Variants in MARCHF8 observed in about 807,000 individuals in gnomAD.
The protein encoded by MARCHF8 is E3 ubiquitin-protein ligase MARCHF8.
In MARCHF8, 40 loss-of-function variants were observed where a neutral mutation model predicts 51.6. The observed-to-expected ratio is 0.77, with a 90% CI of 0.60 to 1.01. The LOEUF (loss-of-function observed/expected upper bound fraction) is 1.01, where lower values mean the gene tolerates loss of function less well. Ranked by LOEUF, MARCHF8 falls within the 50% of genes least tolerant of loss-of-function variation. MARCHF8 has a pLI of 0.00. For synonymous variants in MARCHF8, 263 were observed against 280.3 expected (o/e 0.94, Z 0.62); for missense variants, 685 against 708.6 (o/e 0.97, Z 0.38).
intron 2 of MARCHF8, among the ~76,000 whole-genome samples, chr10:45,521,643 G>A (rs1310033553): frequency 2.6e-5 from 4 of 152,156 alleles, no homozygotes; most frequent in Admixed American, 2.0e-4. Context: ...GAATACCTAG[G>A]AAGTGTGAGA....
intron 1 of MARCHF8, among the ~76,000 whole-genome samples, chr10:45,555,047 C>T (rs953711211): frequency 6.6e-6 from 1 of 150,574 alleles, no homozygotes; most frequent in Admixed American, 6.6e-5. Flanking sequence ...GAGTGAGACT[C>T]TGTCTCCAAA....
intron 2 of MARCHF8, among the ~76,000 whole-genome samples, chr10:45,501,161 G>A (rs887031810): frequency 6.6e-6 from 1 of 151,148 alleles, no homozygotes; most frequent in African/African-American, 2.4e-5. Context: ...TTTAGATATA[G>A]ACAGGTTATT....
rs1278608644 is a variant in MARCHF8, at chr10:45,463,368, T to C, written c.871A>G (p.Lys291Glu). The C allele has an allele frequency of 6.4e-7, 1 of 1,550,740 alleles. No individual in the cohort carries two copies. Among genetic ancestry groups the C allele is most frequent in the South Asian group, 1.2e-5 (1 of 84,066 alleles). Residue 291 changes from lysine to glutamate, a missense_variant, in exon 5 of 8, where the codon AAG becomes GAG. Physicochemically the swap from Lys to Glu is moderately conservative, Grantham distance 56. Coordinates refer to ENST00000453424, the MANE Select transcript of MARCHF8 (RefSeq NM_001282866.2). ...CTCCCTGCCAGCCCGCTGGAGGACT[T>C]GGCAGTGTGCAGGCGAGCAGCGCAG... Reference protein sequence around the residue: ...ESCAARLHTAKSSSGLAGSMG... With the variant: ...ESCAARLHTAESSSGLAGSMG...
intron 2 of MARCHF8, among the ~76,000 whole-genome samples, chr10:45,509,979 T>C (rs2043465358): frequency 1.4e-5 from 2 of 145,412 alleles, no homozygotes; most frequent in South Asian, 2.1e-4. Flanking sequence ...ACAACGCCTG[T>C]AATCTGGGGA....
chr10:45,508,050 T>C (rs1416989151), intron 2 of MARCHF8, among the ~76,000 whole-genome samples: 1 of 152,176 alleles, frequency 6.6e-6, no homozygotes, highest in African/African-American at 2.4e-5. Context: ...GATTAAATAT[T>C]TCTCACTTAT....
rs141261057 is a variant in MARCHF8 at position 45,579,184 on chromosome 10, CA to C, written c.-79+15050del. ...ATACAACTTAAACTCAAATGAATCA[CA>C]AAAAATACATTCACATATATGCATA... On this transcript the variant is annotated intron_variant, in intron 1 of 6. Transcript: ENST00000319836. Among the ~76,000 whole-genome samples, 576 of 151,804 alleles carry C rather than the reference CA, an allele frequency of 3.8e-3. 12 individuals are homozygous for C. In the East Asian group the frequency reaches 0.053, roughly 14 times the overall value.
At chr10:45,502,602 CT>C (rs1342210197) in intron 2 of MARCHF8, among the ~76,000 whole-genome samples, 2 of 152,174 alleles carry the variant, frequency 1.3e-5, no homozygotes, top group East Asian at 1.9e-4. Flanking sequence ...CTGTGTCTTG[CT>C]CATCAGGAAA....
intron 2 of MARCHF8, among the ~76,000 whole-genome samples, chr10:45,524,266 T>C (rs1269196308): frequency 1.3e-5 from 2 of 152,202 alleles, no homozygotes; most frequent in East Asian, 3.8e-4. Flanking sequence ...AAAGAAGTCA[T>C]CTTTGGTTCT....
chr10:45,580,003 CAAAAAAAAA>C (rs34446338), intron 1 of MARCHF8, among the ~76,000 whole-genome samples: 8 of 36,466 alleles, frequency 2.2e-4, no homozygotes, highest in East Asian at 9.2e-4. Flanking sequence ...ACTCCGTCTC[CAAAAAAAAA>C]AAAAAAAAAA....
chr10:45,573,691 G>C (rs57973254), intron 1 of MARCHF8, among the ~76,000 whole-genome samples: 1 of 152,134 alleles, frequency 6.6e-6, no homozygotes, highest in Non-Finnish European at 1.5e-5. Context: ...GATGCTGCCC[G>C]ATCACCACAG....
intron 1 of MARCHF8, among the ~76,000 whole-genome samples, chr10:45,593,896 T>C (rs1228894216): frequency 1.3e-5 from 2 of 152,194 alleles, no homozygotes. Flanking sequence ...CACAAAACAT[T>C]TCCTCAACTC....
At chr10:45,509,588 C>T (rs1407231695) in intron 2 of MARCHF8, among the ~76,000 whole-genome samples, 2 of 152,166 alleles carry the variant, frequency 1.3e-5, no homozygotes, top group Non-Finnish European at 2.9e-5. Flanking sequence ...GAAAATGATG[C>T]TCATTCAATC....
intron 3 of MARCHF8, among the ~76,000 whole-genome samples, chr10:45,471,778 A>G (rs1285055353): frequency 6.6e-6 from 1 of 152,176 alleles, no homozygotes; most frequent in East Asian, 1.9e-4. Context: ...TGCTACTAGG[A>G]TCAAATAAAG....
intron 1 of MARCHF8, among the ~76,000 whole-genome samples, chr10:45,589,562 T>C (rs75535174): frequency 0.05 from 7,649 of 152,192 alleles, 263 homozygotes; most frequent in Non-Finnish European, 0.077. Context: ...CAAACCCCCA[T>C]TTTTCCCCAC....
At chr10:45,460,898 C>T (rs1842763404) in intron 6 of MARCHF8, among the ~76,000 whole-genome samples, 1 of 152,164 alleles carries the variant, frequency 6.6e-6, no homozygotes, top group South Asian at 2.1e-4. Context: ...ATCAGAGAAG[C>T]AGGACGTCAA....
intron 3 of MARCHF8, among the ~76,000 whole-genome samples, chr10:45,472,616 G>A (rs1433968769): frequency 1.3e-5 from 2 of 152,176 alleles, no homozygotes; most frequent in Admixed American, 6.5e-5. Context: ...CTGGAACTCC[G>A]CTGTATACTT....
At chr10:45,555,483 T>A (rs2044241695) in intron 1 of MARCHF8, among the ~76,000 whole-genome samples, 1 of 151,840 alleles carries the variant, frequency 6.6e-6, no homozygotes, top group Non-Finnish European at 1.5e-5. Context: ...ACACCTGTAA[T>A]CTCAGTACTT....
intron 1 of MARCHF8, among the ~76,000 whole-genome samples, chr10:45,587,089 A>G (rs2044626967): frequency 6.6e-6 from 1 of 152,112 alleles, no homozygotes; most frequent in Non-Finnish European, 1.5e-5. Context: ...ATAATATTGG[A>G]CTTGAGGTCC....
chr10:45,584,775 A>C (rs935406035), intron 1 of MARCHF8, among the ~76,000 whole-genome samples: 2 of 152,222 alleles, frequency 1.3e-5, no homozygotes, highest in Admixed American at 1.3e-4. Context: ...AAGGAAAAAA[A>C]TATGAGTCAG....
Sources: allele counts gnomAD v4.1 joint callset (sites outside exome capture counted in the v4.1 genomes callset), GRCh38; gene constraint gnomAD v4.1.1; transcripts MANE v1.5; gene names NCBI Gene and HGNC (gene_info 2026-07-23, HGNC 2026-07-21).